Variants in ZC3H7B observed in about 807,000 individuals in gnomAD.
ZC3H7B encodes zinc finger CCCH-type containing 7B.
Under a neutral mutation model 116.0 loss-of-function variants are expected in ZC3H7B, and 35 were observed. The observed-to-expected ratio is 0.30, with a 90% CI of 0.23 to 0.40. The LOEUF (loss-of-function observed/expected upper bound fraction) is 0.40. ZC3H7B is among the 10% of genes least tolerant of loss of function. The pLI, the probability that ZC3H7B is intolerant of heterozygous loss-of-function variation, is 1.00. For synonymous variants in ZC3H7B, 502 were observed against 545.6 expected, an observed-to-expected ratio of 0.92 and a Z score of 1.11; for missense variants, 1,011 against 1,321.5, an observed-to-expected ratio of 0.77 and a Z score of 3.64.
rs1389799747 is a variant in ZC3H7B at position 41,349,619 on chromosome 22, C to T, written c.1948+318C>T. On this transcript the variant is annotated intron_variant, in intron 16 of 22. Transcript: ENST00000352645. The surrounding 1 kb of genome is among the most constrained non-coding windows in gnomAD (Gnocchi z 4.9). Reference sequence around the variant, plus strand: ...CTGCAGCAGGACCTCTGCTTGCTCCCTGGGTGGTCGGCAGCAAGTCCCCGC... The same window carrying T: ...CTGCAGCAGGACCTCTGCTTGCTCCTTGGGTGGTCGGCAGCAAGTCCCCGC... Among the ~76,000 whole-genome samples, 2 of 152,178 alleles carry T rather than the reference C, an allele frequency of 1.3e-5. No individual in the cohort carries two copies. Among genetic ancestry groups the T allele is most frequent in the African/African-American group, 4.8e-5 (2 of 41,426 alleles).
In ZC3H7B at chr22:41,349,393, A is replaced by G. The variant is rs2036629593; in HGVS notation, c.1948+92A>G. On this transcript the variant is annotated intron_variant, in intron 16 of 22. Transcript: ENST00000352645. The surrounding 1 kb of genome is among the most constrained non-coding windows in gnomAD (Gnocchi z 4.9). ...GGAGCGCAGGACTGACTGGGGTGACAGGCCAGGGCCCCATGGTCGCTGGAG... is the reference window on the plus strand; with the variant it reads ...GGAGCGCAGGACTGACTGGGGTGACGGGCCAGGGCCCCATGGTCGCTGGAG... The G allele has an allele frequency of 2.0e-6, 3 of 1,521,268 alleles. No homozygotes were observed. Among genetic ancestry groups the G allele is most frequent in the Non-Finnish European group, 2.7e-6 (3 of 1,125,870 alleles). 94.2% of individuals were successfully genotyped at this position (1,521,268 alleles called of 1,614,324 possible). A position where few individuals can be genotyped will look rare whatever the true frequency, so the allele number is the denominator to read the frequency against.
intron 1 of ZC3H7B, among the ~76,000 whole-genome samples, chr22:41,304,008 C>T (rs572313770): frequency 1.3e-5 from 2 of 152,290 alleles, no homozygotes; most frequent in South Asian, 2.1e-4. Flanking sequence ...CCAGCCACTT[C>T]GGCCTCCCAA....
At chr22:41,347,422 C>A (rs983906118) in intron 14 of ZC3H7B, among the ~76,000 whole-genome samples, 1 of 151,998 alleles carries the variant, frequency 6.6e-6, no homozygotes, top group Non-Finnish European at 1.5e-5. Flanking sequence ...GGGCTTGGAA[C>A]CTCTCAGCTG....
intron 1 of ZC3H7B, among the ~76,000 whole-genome samples, chr22:41,314,138 T>A (rs1343850768): frequency 6.6e-6 from 1 of 151,564 alleles, no homozygotes; most frequent in Non-Finnish European, 1.5e-5. Flanking sequence ...TTGCCCTTTT[T>A]AATTTTTATT....
At chr22:41,310,839 A>T (rs1474452143) in intron 1 of ZC3H7B, among the ~76,000 whole-genome samples, 1 of 152,072 alleles carries the variant, frequency 6.6e-6, no homozygotes, top group Admixed American at 6.6e-5. Flanking sequence ...ATCTCGGCTC[A>T]CTGCAGCCTC....
chr22:41,312,661 A>C (rs1208618495), intron 1 of ZC3H7B, among the ~76,000 whole-genome samples: 1 of 151,744 alleles, frequency 6.6e-6, no homozygotes, highest in Non-Finnish European at 1.5e-5. Context: ...TACTCCCAGC[A>C]CTCTGGGAGG....
chr22:41,317,161 G>A (rs2036195818), intron 1 of ZC3H7B, among the ~76,000 whole-genome samples: 1 of 151,850 alleles, frequency 6.6e-6, no homozygotes, highest in Non-Finnish European at 1.5e-5. Flanking sequence ...TATATTTTTG[G>A]TAGAGATGGG....
chr22:41,333,706 C>G (rs1344688494), intron 7 of ZC3H7B: 1 of 152,172 alleles, frequency 6.6e-6, no homozygotes, highest in Non-Finnish European at 1.5e-5. Flanking sequence ...GGTGATTTGT[C>G]TAAGTTTACC....
At chr22:41,305,981 A>G (rs1053070921) in intron 1 of ZC3H7B, among the ~76,000 whole-genome samples, 2 of 152,184 alleles carry the variant, frequency 1.3e-5, no homozygotes, top group Non-Finnish European at 2.9e-5. Context: ...ATCTTCCTAG[A>G]AGTGCCATTT....
intron 2 of ZC3H7B, among the ~76,000 whole-genome samples, chr22:41,322,511 CT>C (rs11380541): frequency 1.9e-3 from 282 of 151,424 alleles, no homozygotes; most frequent in Non-Finnish European, 2.8e-3. Flanking sequence ...TTTTATTTCT[CT>C]TTTTTTTTAC....
At chr22:41,324,376 C>T (rs750674679) in intron 2 of ZC3H7B, among the ~76,000 whole-genome samples, 3 of 152,226 alleles carry the variant, frequency 2.0e-5, no homozygotes, top group Non-Finnish European at 4.4e-5. Flanking sequence ...TAGCCTAGGC[C>T]ACTCTTTCCT....
rs568798150 is a variant in ZC3H7B at position 41,360,122 on chromosome 22, C to T, written c.*2693C>T. 6.6e-6 allele frequency: 1 copy of T among 152,348 alleles called. No individual in the cohort carries two copies. Among genetic ancestry groups the T allele is most frequent in the South Asian group, 2.1e-4 (1 of 4,816 alleles). 9.4% of individuals were successfully genotyped at this position (152,348 alleles called of 1,614,324 possible). On this transcript the variant is annotated 3_prime_UTR_variant, in exon 23 of 23. Coordinates refer to ENST00000352645, the MANE Select transcript of ZC3H7B (RefSeq NM_017590.6). Reference sequence around the variant, plus strand: ...AAACTTGCTTCCCTTAGCCTTTGTTCTAGAAAATAAACTTGTGCACTTTGA... The same window carrying T: ...AAACTTGCTTCCCTTAGCCTTTGTTTTAGAAAATAAACTTGTGCACTTTGA...
In ZC3H7B at chr22:41,346,958, C is replaced by A. The variant is rs1188713717; in HGVS notation, c.1665+750C>A. On this transcript the variant is annotated intron_variant, in intron 14 of 22. Coordinates refer to ENST00000352645, the MANE Select transcript of ZC3H7B (RefSeq NM_017590.6). This position sits in a 1 kb window ranked among gnomAD's most constrained non-coding sequence, Gnocchi z 5.3. ...CTCCAGCCTGGGTGACAGAGTGAGACCCTATTCCAAAAAAAAAAAAAAAAA... is the reference window on the plus strand; with the variant it reads ...CTCCAGCCTGGGTGACAGAGTGAGAACCTATTCCAAAAAAAAAAAAAAAAA... Among the ~76,000 whole-genome samples the A allele has an allele frequency of 2.8e-5, 4 of 141,056 alleles. No individual in the cohort carries two copies. The highest frequency in any genetic ancestry group is 4.6e-5 in the Non-Finnish European group (3 of 65,458). 92.5% of individuals were successfully genotyped at this position (141,056 alleles called of 152,430 possible). A position where few individuals can be genotyped will look rare whatever the true frequency, so the allele number is the denominator to read the frequency against.
At chr22:41,352,312 A>T (rs1305057172) in intron 17 of ZC3H7B, among the ~76,000 whole-genome samples, 1 of 152,214 alleles carries the variant, frequency 6.6e-6, no homozygotes, top group African/African-American at 2.4e-5. Flanking sequence ...GCGTCATCTC[A>T]GTGTGTCCCT....
At chr22:41,352,906 C>T (rs551442620) in intron 17 of ZC3H7B, among the ~76,000 whole-genome samples, 10 of 151,640 alleles carry the variant, frequency 6.6e-5, no homozygotes, top group Admixed American at 2.0e-4. Flanking sequence ...GACGAAACCC[C>T]GTCTCTACTA....
chr22:41,304,778 G>T (rs2036018305), intron 1 of ZC3H7B, among the ~76,000 whole-genome samples: 1 of 152,136 alleles, frequency 6.6e-6, no homozygotes. Flanking sequence ...CTCCGTGAGG[G>T]GTGGGCATTA....
At chr22:41,325,509 C>T in intron 2 of ZC3H7B, 55 bp from the exon 3 acceptor site, 1 of 1,581,024 alleles carries the variant, frequency 6.3e-7, no homozygotes, top group Non-Finnish European at 8.6e-7. Flanking sequence ...TCTGGACCTC[C>T]ATGAAGCTGG....
At chr22:41,354,751 C>T (rs1040356323) in intron 17 of ZC3H7B, among the ~76,000 whole-genome samples, 1 of 152,144 alleles carries the variant, frequency 6.6e-6, no homozygotes, top group Non-Finnish European at 1.5e-5. Context: ...AACCCTGTCC[C>T]GGGGTACAGA....
chr22:41,355,629 A>G, intron 18 of ZC3H7B, 27 bp downstream of exon 18: 1 of 1,613,626 alleles, frequency 6.2e-7, no homozygotes, highest in Non-Finnish European at 8.5e-7. Flanking sequence ...GTGGGGGCTC[A>G]GGTGGGATGG....
Sources: allele counts gnomAD v4.1 joint callset (sites outside exome capture counted in the v4.1 genomes callset), GRCh38; gene constraint gnomAD v4.1.1; non-coding constraint Gnocchi (gnomAD v3.1); transcripts MANE v1.5; gene names NCBI Gene and HGNC (gene_info 2026-07-23, HGNC 2026-07-21).